The following DIAPH3 variants were observed in gnomAD, a reference collection of about 807,000 sequenced individuals.
DIAPH3 encodes diaphanous related formin 3.
In DIAPH3, 117 loss-of-function variants were observed where a neutral mutation model predicts 144.3. The ratio of observed to expected loss-of-function variants is 0.81; its 90% CI spans 0.70 to 0.95. The LOEUF (loss-of-function observed/expected upper bound fraction) is 0.95. DIAPH3 is among the 40% of genes least tolerant of loss of function. The pLI is 0.00. For synonymous variants in DIAPH3, 519 were observed against 488.9 expected, an observed-to-expected ratio of 1.06 and a Z score of -0.81; for missense variants, 1,421 against 1,412.7, an observed-to-expected ratio of 1.01 and a Z score of -0.09.
At chr13:59,747,159 C>T (rs2036747903) in intron 27 of DIAPH3, among the ~76,000 whole-genome samples, 1 of 151,848 alleles carries the variant, frequency 6.6e-6, no homozygotes, top group South Asian at 2.1e-4. Flanking sequence ...AAACTATAAA[C>T]AAATATACTA....
At chr13:59,810,438 G>T (rs1593510713) in intron 25 of DIAPH3, among the ~76,000 whole-genome samples, 1 of 152,168 alleles carries the variant, frequency 6.6e-6, no homozygotes, top group East Asian at 1.9e-4. Context: ...CGGGTTACAT[G>T]TCCTATAGAA....
rs554203132 is a variant in DIAPH3 at position 59,898,027 on chromosome 13, G to A, written c.2367+13708C>T. On this transcript the variant is annotated intron_variant, in intron 20 of 27. Coordinates refer to ENST00000400324, the MANE Select transcript of DIAPH3 (RefSeq NM_001042517.2). The stretch of plus-strand genomic sequence containing the variant: ...CACATGCCTGTAATCCTAGTTACTC[G>A]GGAGGCTGAGGCAGGAGAATCATTT... Among the ~76,000 whole-genome samples the A allele has an allele frequency of 4.3e-3, 649 of 150,614 alleles. 8 individuals are homozygous for A. The highest frequency in any genetic ancestry group is 0.015 in the African/African-American group (615 of 41,046).
At chr13:60,117,427 A>C (rs2058730101) in intron 2 of DIAPH3, among the ~76,000 whole-genome samples, 1 of 152,082 alleles carries the variant, frequency 6.6e-6, no homozygotes, top group Non-Finnish European at 1.5e-5. Flanking sequence ...TAAGGAAAGA[A>C]CCATAAAAGA....
intron 2 of DIAPH3, among the ~76,000 whole-genome samples, chr13:60,119,764 A>G (rs796945011): frequency 1.3e-5 from 2 of 151,112 alleles, no homozygotes; most frequent in Non-Finnish European, 3.0e-5. Flanking sequence ...AAAAAAAAAA[A>G]AAAAAAAGAA....
At chr13:59,871,830 C>A (rs749617213) in intron 21 of DIAPH3, among the ~76,000 whole-genome samples, 6 of 152,146 alleles carry the variant, frequency 3.9e-5, no homozygotes, top group Non-Finnish European at 7.4e-5. Flanking sequence ...TGGTAGATGG[C>A]ATCTATCAAG....
At chr13:59,995,459 G>T (rs1463938146) in intron 9 of DIAPH3, among the ~76,000 whole-genome samples, 1 of 151,820 alleles carries the variant, frequency 6.6e-6, no homozygotes, top group African/African-American at 2.4e-5. Context: ...TTAACTAAAG[G>T]TTCCATCTTA....
At chr13:59,974,814 T>A (rs2050578258) in intron 14 of DIAPH3, among the ~76,000 whole-genome samples, 1 of 152,070 alleles carries the variant, frequency 6.6e-6, no homozygotes, top group Non-Finnish European at 1.5e-5. Flanking sequence ...TTGTACAAAT[T>A]CCTTGCATCT....
intron 20 of DIAPH3, among the ~76,000 whole-genome samples, chr13:59,883,682 G>C (rs931084024): frequency 2.0e-5 from 3 of 152,154 alleles, no homozygotes; most frequent in African/African-American, 7.2e-5. Flanking sequence ...CAGGCCTAGA[G>C]CTAACTTGCT....
At chr13:59,825,263 C>T (rs979584281) in intron 24 of DIAPH3, among the ~76,000 whole-genome samples, 4 of 152,074 alleles carry the variant, frequency 2.6e-5, no homozygotes, top group Non-Finnish European at 5.9e-5. Flanking sequence ...GTTCAATTCC[C>T]ACCTACGAGT....
intron 4 of DIAPH3, among the ~76,000 whole-genome samples, chr13:60,061,901 A>G (rs1289612397): frequency 1.3e-5 from 2 of 151,950 alleles, no homozygotes; most frequent in African/African-American, 4.8e-5. Context: ...CCAGCTATGC[A>G]CACCATGGTT....
At chr13:60,039,109 T>G (rs2055443876) in intron 5 of DIAPH3, among the ~76,000 whole-genome samples, 1 of 151,870 alleles carries the variant, frequency 6.6e-6, no homozygotes, top group Admixed American at 6.6e-5. Context: ...CATCAAATCT[T>G]CATAAAGCAA....
intron 22 of DIAPH3, among the ~76,000 whole-genome samples, chr13:59,848,524 A>G (rs904764633): frequency 2.2e-5 from 3 of 134,964 alleles, no homozygotes; most frequent in Non-Finnish European, 3.1e-5. Context: ...TGTCCATGTG[A>G]TCTCATTGTT....
At chr13:59,846,842 G>C (rs1593654906) in intron 22 of DIAPH3, among the ~76,000 whole-genome samples, 1 of 152,202 alleles carries the variant, frequency 6.6e-6, no homozygotes, top group East Asian at 1.9e-4. Flanking sequence ...TTGGGAGGCT[G>C]AGGTGAGAGG....
intron 22 of DIAPH3, among the ~76,000 whole-genome samples, chr13:59,844,931 G>T (rs1444467527): frequency 1.3e-5 from 2 of 152,102 alleles, no homozygotes; most frequent in African/African-American, 2.4e-5. Flanking sequence ...GCAATTCTCA[G>T]ATTCAAACAA....
At chr13:60,143,194 C>G (rs2138328936) in intron 1 of DIAPH3, among the ~76,000 whole-genome samples, 1 of 152,306 alleles carries the variant, frequency 6.6e-6, no homozygotes, top group East Asian at 1.9e-4. Context: ...CTTTCAAATG[C>G]TGCCTGATTC....
intron 27 of DIAPH3, among the ~76,000 whole-genome samples, chr13:59,678,057 G>T (rs551373265): frequency 6.6e-6 from 1 of 152,190 alleles, no homozygotes; most frequent in East Asian, 1.9e-4. Flanking sequence ...AAATTAGGAG[G>T]ATCTAACTTA....
chr13:60,039,207 T>C (rs2141168058), intron 5 of DIAPH3, among the ~76,000 whole-genome samples: 1 of 152,196 alleles, frequency 6.6e-6, no homozygotes, highest in Middle Eastern at 3.4e-3. Context: ...CTAGGCAGTT[T>C]CAGAAGTTGA....
At chr13:59,773,751 C>T (rs1324323046) in intron 27 of DIAPH3, among the ~76,000 whole-genome samples, 3 of 152,078 alleles carry the variant, frequency 2.0e-5, no homozygotes, top group Non-Finnish European at 2.9e-5. Flanking sequence ...AGCTCATCTA[C>T]ACTTACCATT....
chr13:59,898,031 G>A (rs1310015524), intron 20 of DIAPH3, among the ~76,000 whole-genome samples: 1 of 149,480 alleles, frequency 6.7e-6, no homozygotes, highest in Non-Finnish European at 1.5e-5. Flanking sequence ...TTACTCGGGA[G>A]GCTGAGGCAG....
Sources: allele counts gnomAD v4.1 joint callset (sites outside exome capture counted in the v4.1 genomes callset), GRCh38; gene constraint gnomAD v4.1.1; transcripts MANE v1.5; gene names NCBI Gene and HGNC (gene_info 2026-07-23, HGNC 2026-07-21).